ANKS1B: variants seen among roughly 807,000 people sequenced by gnomAD.
The protein encoded by ANKS1B is ankyrin repeat and sterile alpha motif domain containing 1B.
ANKS1B carries 36 observed loss-of-function variants against 148.3 expected under a neutral mutation model. The ratio of observed to expected loss-of-function variants is 0.24; its 90% CI spans 0.19 to 0.32. The LOEUF (loss-of-function observed/expected upper bound fraction) is 0.32, where lower values mean the gene tolerates loss of function less well. Ranked by LOEUF, ANKS1B falls within the 10% of genes least tolerant of loss-of-function variation. The probability of loss-of-function intolerance (pLI) is 1.00; values close to 1 mark genes in which losing one functional copy is unlikely to be tolerated. For synonymous variants in ANKS1B, 542 were observed against 560.8 expected, an observed-to-expected ratio of 0.97 and a Z score of 0.47; for missense variants, 1,157 against 1,542.6, an observed-to-expected ratio of 0.75 and a Z score of 4.19.
At chr12:99,721,667 AC>A (rs1450392669) in intron 8 of ANKS1B, among the ~76,000 whole-genome samples, 4 of 152,122 alleles carry the variant, frequency 2.6e-5, no homozygotes, top group Non-Finnish European at 5.9e-5. Context: ...GCCTGCCTGC[AC>A]CCAGGTGATT....
chr12:98,995,523 T>C (rs909058398), intron 17 of ANKS1B, among the ~76,000 whole-genome samples: 3 of 152,174 alleles, frequency 2.0e-5, no homozygotes, highest in Admixed American at 6.5e-5. Flanking sequence ...AGTAGCAGAA[T>C]TGGAATGAAA....
intron 12 of ANKS1B, among the ~76,000 whole-genome samples, chr12:99,392,635 C>T (rs1485229642): frequency 6.6e-6 from 1 of 152,322 alleles, no homozygotes; most frequent in East Asian, 1.9e-4. Flanking sequence ...TTTTTGGACA[C>T]AGCTTTCTAT....
intron 8 of ANKS1B, among the ~76,000 whole-genome samples, chr12:99,715,932 T>C (rs1443100775): frequency 1.3e-5 from 2 of 152,194 alleles, no homozygotes; most frequent in African/African-American, 4.8e-5. Flanking sequence ...AGTCACAGAC[T>C]TGGGAAGCCA....
rs147077328 is a variant in ANKS1B, at chr12:99,927,735, T to C, written c.134+56369A>G. On this transcript the variant is annotated intron_variant, in intron 1 of 26. Coordinates refer to ENST00000683438, the MANE Select transcript of ANKS1B (RefSeq NM_001352186.2). The stretch of plus-strand genomic sequence containing the variant: ...AGTTTGAGACTGCAGTGACTTATGA[T>C]GGCACCACTGCACTCTAGCCTGGGC... Among the ~76,000 whole-genome samples, 409 of 152,190 alleles carry C rather than the reference T, an allele frequency of 2.7e-3. 1 individual carries two copies. Among genetic ancestry groups the C allele is most frequent in the African/African-American group, 9.5e-3 (393 of 41,526 alleles).
chr12:99,980,563 T>TACTG (rs2095686242), intron 1 of ANKS1B, among the ~76,000 whole-genome samples: 1 of 152,062 alleles, frequency 6.6e-6, no homozygotes, highest in African/African-American at 2.4e-5. Flanking sequence ...AAGGGACATC[T>TACTG]ACTGCATTTT....
chr12:99,825,388 T>G lies in ANKS1B; in HGVS notation c.136A>C (p.Ile46Leu). ...GPLPLSNLLS[I>L]WRGPNVNCTD... ...CAGTTCACATTGGGGCCTCGCCAGA[T>G]GCTGCAAATAAAGCACAAGCGCAGA... The change falls in exon 2 of 27, where the codon ATC becomes CTC. Residue 46 changes from isoleucine (I) to leucine (L), a missense_variant and splice_region_variant. By Grantham distance (5) the Ile-to-Leu change is conservative. Around this residue, in one of 6 missense-constraint regions of ANKS1B, gnomAD observed 164 missense variants for 232.6 expected, o/e 0.71. Transcript: ENST00000683438. 1.2e-6 allele frequency: 2 copies of G among 1,609,074 alleles called. No individual in the cohort carries two copies. Among genetic ancestry groups the G allele is most frequent in the South Asian group, 1.1e-5 (1 of 89,878 alleles).
intron 17 of ANKS1B, among the ~76,000 whole-genome samples, chr12:98,972,721 G>A (rs2099884426): frequency 6.6e-6 from 1 of 152,142 alleles, no homozygotes; most frequent in Non-Finnish European, 1.5e-5. Context: ...ATGGAAATCT[G>A]GACTCACCAA....
At chr12:99,668,183 A>G (rs143694331) in intron 8 of ANKS1B, among the ~76,000 whole-genome samples, 111 of 152,254 alleles carry the variant, frequency 7.3e-4, no homozygotes, top group African/African-American at 2.5e-3. Flanking sequence ...TTTAGATTTT[A>G]TATTTCTTCT....
chr12:99,481,380 A>G (rs1416725030), intron 10 of ANKS1B, among the ~76,000 whole-genome samples: 1 of 151,860 alleles, frequency 6.6e-6, no homozygotes, highest in East Asian at 1.9e-4. Context: ...ATGGCTGAGT[A>G]GTATTCCATG....
intron 17 of ANKS1B, among the ~76,000 whole-genome samples, chr12:98,855,220 T>C (rs1380157180): frequency 9.2e-5 from 14 of 152,218 alleles, no homozygotes; most frequent in Non-Finnish European, 8.8e-5. Flanking sequence ...AATTCCCTTC[T>C]TGCAAAATAC....
chr12:99,737,332 A>G (rs1370795320), intron 8 of ANKS1B, among the ~76,000 whole-genome samples: 1 of 152,180 alleles, frequency 6.6e-6, no homozygotes, highest in African/African-American at 2.4e-5. Flanking sequence ...TGGTATATAT[A>G]CACAGTGAAA....
intron 9 of ANKS1B, among the ~76,000 whole-genome samples, chr12:99,508,931 A>C (rs1429716557): frequency 6.6e-6 from 1 of 151,898 alleles, no homozygotes; most frequent in Non-Finnish European, 1.5e-5. Context: ...CAAGTCTATC[A>C]GCACCATTTT....
At chr12:99,319,604 C>T (rs1277020129) in intron 12 of ANKS1B, among the ~76,000 whole-genome samples, 1 of 152,094 alleles carries the variant, frequency 6.6e-6, no homozygotes, top group African/African-American at 2.4e-5. Context: ...GAATACAGCA[C>T]ACTGATGGTT....
chr12:99,172,589 G>A (rs569597421), intron 14 of ANKS1B, among the ~76,000 whole-genome samples: 2 of 152,306 alleles, frequency 1.3e-5, no homozygotes, highest in African/African-American at 2.4e-5. Context: ...TGCCTCAGCT[G>A]CAGAAGTCAG....
intron 14 of ANKS1B, among the ~76,000 whole-genome samples, chr12:99,171,806 C>A (rs1381644155): frequency 1.3e-5 from 2 of 152,084 alleles, no homozygotes; most frequent in Non-Finnish European, 2.9e-5. Context: ...GTGTTTGAAT[C>A]CCCATTGAGA....
chr12:98,894,391 G>A (rs1299315939), intron 17 of ANKS1B, among the ~76,000 whole-genome samples: 1 of 152,002 alleles, frequency 6.6e-6, no homozygotes, highest in Admixed American at 6.5e-5. Flanking sequence ...CTTAACCCGG[G>A]GGTGGTGGGG....
intron 10 of ANKS1B, among the ~76,000 whole-genome samples, chr12:99,484,928 C>G (rs965768329): frequency 4.0e-5 from 6 of 151,568 alleles, no homozygotes; most frequent in African/African-American, 1.5e-4. Context: ...TATAATGAAT[C>G]TCCTGAAGAC....
intron 8 of ANKS1B, among the ~76,000 whole-genome samples, chr12:99,670,222 ATT>A (rs1464624855): frequency 6.6e-6 from 1 of 152,150 alleles, no homozygotes; most frequent in East Asian, 1.9e-4. Flanking sequence ...ACATATTAAT[ATT>A]CTCTTCCTCC....
chr12:99,553,893 T>C (rs1297724308), intron 9 of ANKS1B, among the ~76,000 whole-genome samples: 2 of 152,218 alleles, frequency 1.3e-5, no homozygotes, highest in Non-Finnish European at 2.9e-5. Context: ...CTTCAGTGAC[T>C]GGTTCAAGGT....
Sources: allele counts gnomAD v4.1 joint callset (sites outside exome capture counted in the v4.1 genomes callset), GRCh38; gene constraint gnomAD v4.1.1; regional missense constraint gnomAD v4.1.1; transcripts MANE v1.5; gene names NCBI Gene and HGNC (gene_info 2026-07-23, HGNC 2026-07-21).